The following PRIMPOL variants were observed in gnomAD, a reference collection of about 807,000 sequenced individuals.
PRIMPOL encodes DNA-directed primase/polymerase protein.
A neutral mutation model predicts 63.6 loss-of-function variants in PRIMPOL; 54 were observed. That is an observed-to-expected ratio of 0.85 (90% CI 0.68 to 1.07). The LOEUF (loss-of-function observed/expected upper bound fraction) is 1.07. Ranked by LOEUF, PRIMPOL falls within the 50% of genes least tolerant of loss-of-function variation. The probability of loss-of-function intolerance (pLI) is 0.00; values close to 1 mark genes in which losing one functional copy is unlikely to be tolerated. For synonymous variants in PRIMPOL, 197 were observed against 220.2 expected, an observed-to-expected ratio of 0.89 and a Z score of 0.93; for missense variants, 610 against 648.3, an observed-to-expected ratio of 0.94 and a Z score of 0.64.
intron 8 of PRIMPOL, among the ~76,000 whole-genome samples, chr4:184,678,785 C>G (rs1318039741): frequency 7.2e-5 from 11 of 152,124 alleles, no homozygotes; most frequent in Non-Finnish European, 2.9e-5. Context: ...ACCTCAGCCT[C>G]CCAAAGTGCT....
chr4:184,661,830 A>AT lies in PRIMPOL; in HGVS notation c.339dup (p.Asp114Ter). ...CCTGAAAATGCTGTGTGCAAGCTTT[A>AT]TTTTGATTTGGAATTTAACAAACCT... On this transcript the variant is annotated frameshift_variant, in exon 5 of 14. Coordinates refer to ENST00000314970, the MANE Select transcript of PRIMPOL (RefSeq NM_152683.4). LOFTEE classifies it high-confidence loss of function. 1 of 1,613,806 alleles carries AT rather than the reference A, an allele frequency of 6.2e-7. No homozygotes were observed. The highest frequency in any genetic ancestry group is 8.5e-7 in the Non-Finnish European group (1 of 1,179,782).
At chr4:184,659,555 G>A in intron 4 of PRIMPOL, 118 bp downstream of exon 4, 1 of 732,050 alleles carries the variant, frequency 1.4e-6, no homozygotes, top group Non-Finnish European at 2.4e-6. Flanking sequence ...CACACTATTA[G>A]TTGCTCTTAG....
At chr4:184,659,588 G>C in intron 4 of PRIMPOL, 151 bp downstream of exon 4, 1 of 671,704 alleles carries the variant, frequency 1.5e-6, no homozygotes, top group Non-Finnish European at 2.7e-6. Context: ...GAGTTTTCTT[G>C]TCATAGCAAT....
chr4:184,694,590 A>G lies in PRIMPOL; in HGVS notation c.1494A>G (p.Pro498=), dbSNP rs778516148. ...ATGAAACCCAGAATCCTCATAAACC[A>G]TCACCTAGCAGGCTGTCAACAGGTG... is the stretch of plus-strand genomic sequence containing the variant. ...RSNETQNPHK[P]SPSRLSTGAS... is the part of the protein sequence containing the mutation. The change falls in exon 14 of 14, where the codon CCA becomes CCG. Residue 498 remains proline, a synonymous_variant. Transcript: ENST00000314970. The G allele has an allele frequency of 1.2e-6, 2 of 1,614,168 alleles. No homozygotes were observed. Among genetic ancestry groups the G allele is most frequent in the South Asian group, 2.2e-5 (2 of 91,082 alleles).
At chr4:184,671,843 T>G (rs112472049) in intron 6 of PRIMPOL, among the ~76,000 whole-genome samples, 2 of 150,790 alleles carry the variant, frequency 1.3e-5, no homozygotes, top group Non-Finnish European at 2.9e-5. Context: ...CCTGGGTTCA[T>G]GCCATTCGCC....
intron 11 of PRIMPOL, among the ~76,000 whole-genome samples, chr4:184,688,192 TTGCTGTGTCGTGGAATA>T (rs1757503110): frequency 6.6e-6 from 1 of 152,218 alleles, no homozygotes; most frequent in South Asian, 2.1e-4. Flanking sequence ...CAAAGTGGAC[TTGCTGTGTCGTGGAATA>T]TGCACATAAT....
At chr4:184,657,397 C>A (rs1410884122) in intron 3 of PRIMPOL, 77 bp downstream of exon 3, 5 of 1,137,698 alleles carry the variant, frequency 4.4e-6, no homozygotes, top group South Asian at 2.0e-5. Flanking sequence ...ATTATAATTT[C>A]AGTTCTTTAA....
intron 6 of PRIMPOL, among the ~76,000 whole-genome samples, chr4:184,671,774 A>G (rs72689275): frequency 0.14 from 18,470 of 129,344 alleles, 1,282 homozygotes; most frequent in Middle Eastern, 0.22. Context: ...ATGGAGTCTC[A>G]CTCTGTCACC....
chr4:184,682,541 T>TTTCA (rs1339598561), intron 9 of PRIMPOL, among the ~76,000 whole-genome samples: 1 of 151,982 alleles, frequency 6.6e-6, no homozygotes, highest in Non-Finnish European at 1.5e-5. Flanking sequence ...AGAGATGAGA[T>TTTCA]TTCACCATGT....
intron 6 of PRIMPOL, among the ~76,000 whole-genome samples, chr4:184,666,755 G>A (rs142843789): frequency 9.8e-4 from 150 of 152,322 alleles, no homozygotes; most frequent in Non-Finnish European, 2.0e-3. Context: ...TTCGGTCCCA[G>A]GTCGTATCAA....
intron 2 of PRIMPOL, among the ~76,000 whole-genome samples, chr4:184,656,049 G>A (rs1000281647): frequency 6.6e-5 from 10 of 152,134 alleles, no homozygotes; most frequent in Non-Finnish European, 1.5e-4. Context: ...GATGACGGCT[G>A]GATGTCCGGA....
chr4:184,660,249 A>C (rs1242972555), intron 4 of PRIMPOL, among the ~76,000 whole-genome samples: 1 of 151,058 alleles, frequency 6.6e-6, no homozygotes, highest in African/African-American at 2.4e-5. Flanking sequence ...ACAGTGGCAC[A>C]ATCTCAGCTC....
intron 11 of PRIMPOL, 44 bp from the exon 12 acceptor site, chr4:184,691,455 C>A: frequency 1.7e-6 from 2 of 1,191,966 alleles, no homozygotes; most frequent in South Asian, 1.3e-5. Context: ...TGTTTTCTAC[C>A]CAGTCTTGGT....
intron 2 of PRIMPOL, among the ~76,000 whole-genome samples, chr4:184,656,869 C>T (rs985817180): frequency 1.3e-5 from 2 of 152,136 alleles, no homozygotes; most frequent in African/African-American, 4.8e-5. Context: ...ATTCAGGGCG[C>T]TTCATTAACC....
intron 3 of PRIMPOL, among the ~76,000 whole-genome samples, chr4:184,658,858 A>G (rs1019933044): frequency 6.6e-6 from 1 of 151,322 alleles, no homozygotes; most frequent in Non-Finnish European, 1.5e-5. Flanking sequence ...CAGTGAGTCG[A>G]GATCACGCCA....
chr4:184,673,375 C>T (rs1479397217), intron 7 of PRIMPOL, among the ~76,000 whole-genome samples: 3 of 151,618 alleles, frequency 2.0e-5, no homozygotes, highest in Admixed American at 1.3e-4. Flanking sequence ...GTCATCCGCC[C>T]GCCTCGGCCT....
chr4:184,694,788 C>T lies in PRIMPOL; in HGVS notation c.*9C>T, dbSNP rs775967252. 1 of 1,595,546 alleles carries T rather than the reference C, an allele frequency of 6.3e-7. No individual in the cohort carries two copies. Among genetic ancestry groups the T allele is most frequent in the Admixed American group, 1.7e-5 (1 of 59,644 alleles). Reference sequence around the variant, plus strand: ...AAGTATTACAAGAGTAACTAATTCACTATGAACACTTTTGTCACCAGGCTA... The same window carrying T: ...AAGTATTACAAGAGTAACTAATTCATTATGAACACTTTTGTCACCAGGCTA... On this transcript the variant is annotated 3_prime_UTR_variant, in exon 14 of 14. Coordinates refer to ENST00000314970, the MANE Select transcript of PRIMPOL (RefSeq NM_152683.4).
intron 6 of PRIMPOL, among the ~76,000 whole-genome samples, chr4:184,671,889 CA>C (rs375193265): frequency 4.4e-5 from 5 of 114,876 alleles, no homozygotes; most frequent in South Asian, 2.5e-4. Flanking sequence ...ATTACAGGCG[CA>C]CCACCACGCC....
chr4:184,683,045 G>A lies in PRIMPOL; in HGVS notation c.1096+709G>A, dbSNP rs1455480276. On this transcript the variant is annotated intron_variant, in intron 9 of 13. Coordinates refer to ENST00000314970, the MANE Select transcript of PRIMPOL (RefSeq NM_152683.4). ...AGCCTGGACAGCAGAATCAGACCCT[G>A]TCTCAACCAGTCAATTAATCAATTA... is the stretch of plus-strand genomic sequence containing the variant. Among the ~76,000 whole-genome samples the A allele has an allele frequency of 3.3e-5, 5 of 151,968 alleles. No homozygotes were observed. In the East Asian group the frequency reaches 9.7e-4, roughly 30 times the overall value.
Sources: allele counts gnomAD v4.1 joint callset (sites outside exome capture counted in the v4.1 genomes callset), GRCh38; gene constraint gnomAD v4.1.1; transcripts MANE v1.5; gene names NCBI Gene and HGNC (gene_info 2026-07-23, HGNC 2026-07-21).